The following ARFIP1 variants were observed in gnomAD, a reference collection of about 807,000 sequenced individuals.
The protein encoded by ARFIP1 is ARF interacting protein 1.
Under a neutral mutation model 42.5 loss-of-function variants are expected in ARFIP1, and 24 were observed. The observed-to-expected ratio is 0.57, with a 90% CI of 0.41 to 0.80. The LOEUF is 0.80. Ranked by LOEUF, ARFIP1 falls within the 30% of genes least tolerant of loss-of-function variation. ARFIP1 has a pLI of 0.00. For synonymous variants in ARFIP1, 141 were observed against 153.7 expected (o/e 0.92, Z 0.61); for missense variants, 354 against 434.0 (o/e 0.82, Z 1.64).
chr4:152,875,044 G>A (rs1735210115), intron 5 of ARFIP1, among the ~76,000 whole-genome samples: 2 of 151,736 alleles, frequency 1.3e-5, no homozygotes, highest in Admixed American at 1.3e-4. Flanking sequence ...TAATTTCTTC[G>A]GTTTCTATTC....
intron 1 of ARFIP1, among the ~76,000 whole-genome samples, chr4:152,825,203 AT>A (rs1730733552): frequency 6.6e-6 from 1 of 152,204 alleles, no homozygotes; most frequent in Non-Finnish European, 1.5e-5. Context: ...AGAAAAAAAA[AT>A]CCTAAAATTC....
At chr4:152,883,101 A>G (rs1338488827) in intron 7 of ARFIP1, 1 of 481,546 alleles carries the variant, frequency 2.1e-6, no homozygotes, top group Non-Finnish European at 3.6e-6. Flanking sequence ...GAAGAATCTA[A>G]TTAGAACCCC....
intron 3 of ARFIP1, 28 bp downstream of exon 3, chr4:152,863,742 G>A (rs1313229036): frequency 3.4e-6 from 5 of 1,469,238 alleles, no homozygotes; most frequent in Non-Finnish European, 4.7e-6. Flanking sequence ...TGTAAAGATG[G>A]CTGGGATAGA....
intron 1 of ARFIP1, among the ~76,000 whole-genome samples, chr4:152,818,554 T>A (rs1190773390): frequency 6.6e-6 from 1 of 152,124 alleles, no homozygotes; most frequent in Non-Finnish European, 1.5e-5. Context: ...CCAACTGAGA[T>A]TTGTGCTATA....
At chr4:152,826,228 A>G (rs763533184) in intron 1 of ARFIP1, among the ~76,000 whole-genome samples, 13 of 152,226 alleles carry the variant, frequency 8.5e-5, no homozygotes, top group Admixed American at 2.0e-4. Flanking sequence ...TCAGTGCCCA[A>G]CAACCAATGA....
intron 1 of ARFIP1, among the ~76,000 whole-genome samples, chr4:152,818,426 T>G (rs1458541594): frequency 6.6e-6 from 1 of 152,120 alleles, no homozygotes; most frequent in Non-Finnish European, 1.5e-5. Flanking sequence ...AGGAGCCCCA[T>G]CAGGATGGGC....
chr4:152,819,707 G>A (rs1462241183), intron 1 of ARFIP1, among the ~76,000 whole-genome samples: 1 of 152,190 alleles, frequency 6.6e-6, no homozygotes, highest in Non-Finnish European at 1.5e-5. Flanking sequence ...CTACTTGGGG[G>A]AAGTTTCTTT....
intron 2 of ARFIP1, among the ~76,000 whole-genome samples, chr4:152,851,139 A>T (rs1330197154): frequency 6.6e-6 from 1 of 152,252 alleles, no homozygotes; most frequent in African/African-American, 2.4e-5. Context: ...GAAGTAATAG[A>T]CACTCTGCTA....
chr4:152,853,353 C>G (rs1733150508), intron 2 of ARFIP1, among the ~76,000 whole-genome samples: 1 of 152,164 alleles, frequency 6.6e-6, no homozygotes, highest in African/African-American at 2.4e-5. Flanking sequence ...ATTGTAGTGC[C>G]TGTCTACTGG....
At chr4:152,814,675 G>A (rs1430216710) in intron 1 of ARFIP1, among the ~76,000 whole-genome samples, 1 of 152,194 alleles carries the variant, frequency 6.6e-6, no homozygotes, top group African/African-American at 2.4e-5. Flanking sequence ...AAGGGCAACA[G>A]ACTGGGACCC....
intron 2 of ARFIP1, among the ~76,000 whole-genome samples, chr4:152,850,200 A>G (rs1212216953): frequency 1.3e-5 from 2 of 152,220 alleles, no homozygotes; most frequent in African/African-American, 4.8e-5. Context: ...AAATATAGCA[A>G]CTTACTACCT....
intron 2 of ARFIP1, among the ~76,000 whole-genome samples, chr4:152,830,623 C>T (rs1731181641): frequency 6.6e-6 from 1 of 152,144 alleles, no homozygotes; most frequent in Admixed American, 6.5e-5. Flanking sequence ...AAGGTGATAA[C>T]TTAAATCAGG....
chr4:152,825,710 T>G (rs1009661151), intron 1 of ARFIP1, among the ~76,000 whole-genome samples: 4 of 152,162 alleles, frequency 2.6e-5, no homozygotes, highest in African/African-American at 7.2e-5. Context: ...AAACAAAGCT[T>G]CTGCACAGCA....
At chr4:152,835,557 C>G (rs1293041613) in intron 2 of ARFIP1, among the ~76,000 whole-genome samples, 3 of 152,168 alleles carry the variant, frequency 2.0e-5, no homozygotes, top group African/African-American at 4.8e-5. Context: ...ACCATTTAAC[C>G]AGTCTCTAAG....
chr4:152,897,095 T>G (rs1056981854), intron 8 of ARFIP1, among the ~76,000 whole-genome samples: 1 of 152,214 alleles, frequency 6.6e-6, no homozygotes, highest in African/African-American at 2.4e-5. Flanking sequence ...TGGTTTGCAT[T>G]GCCTCCTTTC....
chr4:152,849,084 G>A (rs905387430), intron 2 of ARFIP1, among the ~76,000 whole-genome samples: 6 of 152,040 alleles, frequency 3.9e-5, no homozygotes, highest in Middle Eastern at 3.4e-3. Flanking sequence ...TCAGCTATAG[G>A]CTATACTTTT....
chr4:152,785,446 C>T (rs1730742917), intron 1 of ARFIP1, among the ~76,000 whole-genome samples: 1 of 152,136 alleles, frequency 6.6e-6, no homozygotes, highest in East Asian at 1.9e-4. Context: ...GGGTTTAAGC[C>T]CGTGATCTGT....
rs540594285 is a variant in ARFIP1 at position 152,819,473 on chromosome 4, G to C, written c.-9-10152G>C. On this transcript the variant is annotated intron_variant, in intron 1 of 8. Coordinates refer to ENST00000353617, the MANE Select transcript of ARFIP1 (RefSeq NM_001025595.3). ...GCTGGTACCTGCTGCTGGGAGACTA[G>C]AGGACAGGTTACGTCACTGAATCTA... Among the ~76,000 whole-genome samples, 211 of 152,282 alleles carry C rather than the reference G, an allele frequency of 1.4e-3. 1 individual carries two copies. The highest frequency in any genetic ancestry group is 4.9e-3 in the African/African-American group (202 of 41,550).
At chr4:152,796,001 T>A (rs1731446251) in intron 1 of ARFIP1, 1 of 598,514 alleles carries the variant, frequency 1.7e-6, no homozygotes, top group Non-Finnish European at 3.2e-6. Flanking sequence ...TCAGAAACAT[T>A]ACAGTAATGG....
Sources: gnomAD v4.1 joint callset for allele counts (sites outside exome capture counted in the v4.1 genomes callset) on GRCh38, gnomAD v4.1.1 for gene constraint, MANE v1.5 for transcripts, NCBI Gene and HGNC (gene_info 2026-07-23, HGNC 2026-07-21) for gene names.